Variants in SHISA5 observed in about 807,000 individuals in gnomAD.
The protein encoded by SHISA5 is protein shisa-5.
A neutral mutation model predicts 27.5 loss-of-function variants in SHISA5; 21 were observed. That is an observed-to-expected ratio of 0.76 (90% CI 0.54 to 1.10). The LOEUF (loss-of-function observed/expected upper bound fraction) is 1.10, where lower values mean the gene tolerates loss of function less well. Among genes scored for constraint, SHISA5 ranks in the 50% least tolerant of loss-of-function variants. The probability of loss-of-function intolerance (pLI) is 0.00; values close to 1 mark genes in which losing one functional copy is unlikely to be tolerated. For synonymous variants in SHISA5, 137 were observed against 142.2 expected, an observed-to-expected ratio of 0.96 and a Z score of 0.26; for missense variants, 314 against 336.3, an observed-to-expected ratio of 0.93 and a Z score of 0.52.
chr3:48,500,608 G>A (rs996944362), intron 2 of SHISA5, among the ~76,000 whole-genome samples: 4 of 152,108 alleles, frequency 2.6e-5, no homozygotes, highest in African/African-American at 9.7e-5. Context: ...ACACACAGGG[G>A]CCTGGAACCT....
intron 1 of SHISA5, 47 bp from the exon 2 acceptor site, chr3:48,501,340 C>T (rs755028096): frequency 4.4e-6 from 7 of 1,593,532 alleles, no homozygotes; most frequent in Admixed American, 1.7e-5. Context: ...CGGGCCAGGC[C>T]CCAGCAGACA....
intron 2 of SHISA5, among the ~76,000 whole-genome samples, chr3:48,492,334 G>A (rs1287613648): frequency 6.6e-6 from 1 of 151,460 alleles, no homozygotes; most frequent in Non-Finnish European, 1.5e-5. Context: ...GCCGGGCGCG[G>A]TGGCGGGCGC....
At position 48,468,859 on chromosome 3, in the gene SHISA5, G is replaced by C; in HGVS notation, c.*248C>G. 9 of 1,520,588 alleles carry C rather than the reference G, an allele frequency of 5.9e-6. No homozygotes were observed. Among genetic ancestry groups the C allele is most frequent in the Non-Finnish European group, 7.9e-6 (9 of 1,137,114 alleles). 94.2% of individuals were successfully genotyped at this position (1,520,588 alleles called of 1,614,324 possible). A position where few individuals can be genotyped will look rare whatever the true frequency, so the allele number is the denominator to read the frequency against. On this transcript the variant is annotated 3_prime_UTR_variant, in exon 6 of 6. Transcript: ENST00000296444. ...TCTTTGAGTTTGGCTTGAGATTTTA[G>C]GAAGCATAATTTCAGGTGAGGAAGA...
intron 2 of SHISA5, among the ~76,000 whole-genome samples, chr3:48,498,328 A>G (rs1348250921): frequency 6.6e-6 from 1 of 152,148 alleles, no homozygotes; most frequent in Non-Finnish European, 1.5e-5. Context: ...CTCCACTTCT[A>G]CTCAACATTG....
chr3:48,486,357 A>ATATTATATAATATATAATG (rs2041230677), intron 2 of SHISA5, among the ~76,000 whole-genome samples: 8 of 91,772 alleles, frequency 8.7e-5, no homozygotes, highest in African/African-American at 3.6e-4. Context: ...AATGTATTAT[A>ATATTATATAATATATAATG]TATTATATAT....
chr3:48,486,223 A>AATAGATT (rs1411806521), intron 2 of SHISA5, among the ~76,000 whole-genome samples: 1 of 131,092 alleles, frequency 7.6e-6, no homozygotes, highest in East Asian at 2.0e-4. Context: ...GACAATAGAA[A>AATAGATT]ATAGATTATA....
chr3:48,501,304 G>A lies in SHISA5; in HGVS notation c.77-11C>T, dbSNP rs773988622. ...ACACCTCACCACGTGCTGGAGAGGA[G>A]AAACACATCTGTTCACCTGTGCCCA... On this transcript the variant is annotated splice_polypyrimidine_tract_variant and intron_variant, in intron 1 of 5. Coordinates refer to ENST00000296444, the MANE Select transcript of SHISA5 (RefSeq NM_016479.6). 6.2e-7 allele frequency: 1 copy of A among 1,612,638 alleles called. No individual in the cohort carries two copies. Among genetic ancestry groups the A allele is most frequent in the South Asian group, 1.1e-5 (1 of 90,906 alleles).
At position 48,468,833 on chromosome 3, in the gene SHISA5, T is replaced by G; in HGVS notation, c.*274A>C. 6.1e-6 allele frequency: 9 copies of G among 1,474,000 alleles called. No homozygotes were observed. Among genetic ancestry groups the G allele is most frequent in the Non-Finnish European group, 6.3e-6 (7 of 1,107,450 alleles). 91.3% of individuals were successfully genotyped at this position (1,474,000 alleles called of 1,614,324 possible). A position where few individuals can be genotyped will look rare whatever the true frequency, so the allele number is the denominator to read the frequency against. On this transcript the variant is annotated 3_prime_UTR_variant, in exon 6 of 6. Coordinates refer to ENST00000296444, the MANE Select transcript of SHISA5 (RefSeq NM_016479.6). ...TCACAGGGTGCCCCCCACCACCCCA[T>G]TCTTTGAGTTTGGCTTGAGATTTTA... is the stretch of plus-strand genomic sequence containing the variant.
rs1463005943 is a variant in SHISA5 at position 48,473,498 on chromosome 3, G to A, written c.315-3655C>T. The stretch of plus-strand genomic sequence containing the variant: ...CCATCTAGGCCCAGAGGGCGACCCT[G>A]GGGCCCTGGCTGACACACATGCAAG... On this transcript the variant is annotated intron_variant, in intron 3 of 5. Transcript: ENST00000296444. The surrounding 1 kb of genome is among the most constrained non-coding windows in gnomAD (Gnocchi z 4.3). The A allele has an allele frequency of 1.5e-6, 2 of 1,290,696 alleles. No homozygotes were observed. Among genetic ancestry groups the A allele is most frequent in the African/African-American group, 1.5e-5 (1 of 66,008 alleles). 80.0% of individuals were successfully genotyped at this position (1,290,696 alleles called of 1,614,324 possible).
intron 3 of SHISA5, among the ~76,000 whole-genome samples, chr3:48,478,244 C>T (rs1037332026): frequency 1.3e-5 from 2 of 152,288 alleles, no homozygotes; most frequent in Admixed American, 6.5e-5. Context: ...AGGAGGGGCA[C>T]AGCTGCACTT....
rs1347919056 is a variant in SHISA5, at chr3:48,469,194, CAG to C, written c.644-10_644-9del. 6.2e-7 allele frequency: 1 copy of C among 1,611,078 alleles called. No individual in the cohort carries two copies. The highest frequency in any genetic ancestry group is 8.5e-7 in the Non-Finnish European group (1 of 1,179,388). On this transcript the variant is annotated splice_polypyrimidine_tract_variant and intron_variant, in intron 5 of 5. Coordinates refer to ENST00000296444, the MANE Select transcript of SHISA5 (RefSeq NM_016479.6). The surrounding 1 kb of genome is among the most constrained non-coding windows in gnomAD (Gnocchi z 4.6). ...AGGGCGCGGCTGCTCCTCCTGAAAG[CAG>C]AGAGGACCCTGGTTGGCTGTGAGCA...
At chr3:48,474,609 T>C (rs2040758972) in intron 3 of SHISA5, among the ~76,000 whole-genome samples, 2 of 152,146 alleles carry the variant, frequency 1.3e-5, no homozygotes, top group Non-Finnish European at 2.9e-5. Flanking sequence ...AGTGCTGGGA[T>C]TACAGGCCTG....
chr3:48,472,820 C>T (rs1367831209), intron 3 of SHISA5, among the ~76,000 whole-genome samples: 1 of 152,208 alleles, frequency 6.6e-6, no homozygotes, highest in Admixed American at 6.5e-5. Flanking sequence ...CCAGGCCGTC[C>T]AGGACAAGGC....
chr3:48,477,151 C>A, intron 3 of SHISA5: 1 of 426,852 alleles, frequency 2.3e-6, no homozygotes, highest in Admixed American at 2.9e-5. Flanking sequence ...ATGGATTCTC[C>A]AACTCCTTTT....
intron 3 of SHISA5, chr3:48,476,998 C>T: frequency 2.3e-6 from 1 of 429,818 alleles, no homozygotes. Context: ...CCAGTCACCT[C>T]CCTGCTGCCA....
At position 48,473,686 on chromosome 3, in the gene SHISA5, T is replaced by C. The variant is rs1025720421; in HGVS notation, c.315-3843A>G. The stretch of plus-strand genomic sequence containing the variant: ...CTATGGCTCCTGTAGCTCTTGCGAT[T>C]ACAAAGGAATTTGCTTTATAATTAC... On this transcript the variant is annotated intron_variant, in intron 3 of 5. Transcript: ENST00000296444. This position sits in a 1 kb window ranked among gnomAD's most constrained non-coding sequence, Gnocchi z 4.3. 3.7e-6 allele frequency: 3 copies of C among 820,518 alleles called. No homozygotes were observed. The African/African-American group carries it at 5.6e-5, about 15-fold the overall frequency. 50.8% of individuals were successfully genotyped at this position (820,518 alleles called of 1,614,324 possible).
intron 3 of SHISA5, among the ~76,000 whole-genome samples, chr3:48,478,775 C>T (rs1426991071): frequency 1.3e-5 from 2 of 152,154 alleles, no homozygotes; most frequent in East Asian, 3.8e-4. Context: ...ATCACCCCAT[C>T]ACCATCACCA....
chr3:48,468,292 G>C lies in SHISA5; in HGVS notation c.*815C>G. 2.9e-6 allele frequency: 3 copies of C among 1,020,478 alleles called. No individual in the cohort carries two copies. The highest frequency in any genetic ancestry group is 3.5e-6 in the Non-Finnish European group (3 of 850,946). 63.2% of individuals were successfully genotyped at this position (1,020,478 alleles called of 1,614,324 possible). A position where few individuals can be genotyped will look rare whatever the true frequency, so the allele number is the denominator to read the frequency against. ...TGAAAACACTGCAGGGAAGAGAACTGAGTGTGCTGGTGGACAGGAGCCCTG... is the reference window on the plus strand; with the variant it reads ...TGAAAACACTGCAGGGAAGAGAACTCAGTGTGCTGGTGGACAGGAGCCCTG... On this transcript the variant is annotated 3_prime_UTR_variant, in exon 6 of 6. Transcript: ENST00000296444.
chr3:48,468,425 CAG>C lies in SHISA5; in HGVS notation c.*680_*681del, dbSNP rs1553821018. On this transcript the variant is annotated 3_prime_UTR_variant, in exon 6 of 6. Transcript: ENST00000296444. ...GCTGGTCCCAGGGGAGATGCGGGGA[CAG>C]GGGACAGTCCAGGCAGACAGGTACA... 6.3e-4 allele frequency: 712 copies of C among 1,122,996 alleles called. 1 individual carries two copies. The highest frequency in any genetic ancestry group is 3.8e-3 in the South Asian group (178 of 47,016). 69.6% of individuals were successfully genotyped at this position (1,122,996 alleles called of 1,614,324 possible).
Sources: gnomAD v4.1 joint callset for allele counts (sites outside exome capture counted in the v4.1 genomes callset) on GRCh38, gnomAD v4.1.1 for gene constraint, Gnocchi (gnomAD v3.1) non-coding constraint, MANE v1.5 for transcripts, NCBI Gene and HGNC (gene_info 2026-07-23, HGNC 2026-07-21) for gene names.